Variants in NDE1 observed in about 807,000 individuals in gnomAD.
The protein encoded by NDE1 is nuclear distribution protein nudE homolog 1.
Under a neutral mutation model 43.4 loss-of-function variants are expected in NDE1, and 28 were observed. The observed-to-expected ratio is 0.65, with a 90% confidence interval of 0.48 to 0.89. The LOEUF is 0.89. Among genes scored for constraint, NDE1 ranks in the 40% least tolerant of loss-of-function variants. The pLI is 0.00. For missense variants in NDE1, 441 were observed against 434.1 expected, an observed-to-expected ratio of 1.02 and a Z score of -0.14; for synonymous variants, 184 against 172.0, an observed-to-expected ratio of 1.07 and a Z score of -0.55.
At position 15,724,769 on chromosome 16, in the gene NDE1, G is replaced by A; in HGVS notation, c.*518G>A. 4 of 1,614,088 alleles carry A rather than the reference G, an allele frequency of 2.5e-6. No individual in the cohort carries two copies. Among genetic ancestry groups the A allele is most frequent in the Non-Finnish European group, 2.5e-6 (3 of 1,180,042 alleles). On this transcript the variant is annotated 3_prime_UTR_variant, in exon 9 of 9. Transcript: ENST00000396354. ...TGGCGCAGCTTCGTAGACACGTTGA[G>A]CTTCTGCCGGGTTTCTTCTTGAAGC...
chr16:15,724,528 G>C lies in NDE1; in HGVS notation c.*277G>C. On this transcript the variant is annotated 3_prime_UTR_variant, in exon 9 of 9. Coordinates refer to ENST00000396354, the MANE Select transcript of NDE1 (RefSeq NM_017668.3). ...CCTCGTTGGAGAAACCCAATAGCAG[G>C]GGAAGCTGGGGGGTCAAGCACCATC... 1 of 1,605,860 alleles carries C rather than the reference G, an allele frequency of 6.2e-7. No individual in the cohort carries two copies. The highest frequency in any genetic ancestry group is 8.5e-7 in the Non-Finnish European group (1 of 1,175,644).
At chr16:15,665,881 C>T (rs752044605) in intron 2 of NDE1, among the ~76,000 whole-genome samples, 11 of 152,026 alleles carry the variant, frequency 7.2e-5, no homozygotes, top group South Asian at 4.2e-4. Context: ...CTCAGCCTCC[C>T]GAGTAGCTAG....
intron 1 of NDE1, among the ~76,000 whole-genome samples, chr16:15,656,288 T>G (rs1806634437): frequency 6.6e-6 from 1 of 152,152 alleles, no homozygotes; most frequent in Admixed American, 6.5e-5. Context: ...GGTTTTTGTC[T>G]CTTGGTTGGA....
rs370660509 is a variant in NDE1, at chr16:15,691,355, G to A, written c.703+32G>A. The A allele has an allele frequency of 6.8e-6, 11 of 1,608,230 alleles. No individual in the cohort carries two copies. The African/African-American group carries it at 8.0e-5, about 12-fold the overall frequency. ...GGAGTGGGAATTGCAGGATTTTCTC[G>A]GTTCACAAAGTGTTTCTGGGTAAGA... On this transcript the variant is annotated intron_variant, in intron 6 of 8. Coordinates refer to ENST00000396354, the MANE Select transcript of NDE1 (RefSeq NM_017668.3).
At chr16:15,686,409 C>G (rs1203292087) in intron 4 of NDE1, 2 of 985,196 alleles carry the variant, frequency 2.0e-6, no homozygotes, top group African/African-American at 3.5e-5. Context: ...GTGCCTTTAC[C>G]ACAGTGTTTA....
chr16:15,648,328 T>A (rs1405218570), upstream of NDE1, among the ~76,000 whole-genome samples: 7 of 152,192 alleles, frequency 4.6e-5, no homozygotes, highest in Non-Finnish European at 8.8e-5. Flanking sequence ...ACTCTATTTT[T>A]GTACCCACTA....
At chr16:15,715,021 C>A (rs753304573) in intron 8 of NDE1, 10 of 1,613,916 alleles carry the variant, frequency 6.2e-6, no homozygotes, top group Admixed American at 1.7e-5. Context: ...CGCTGGGACT[C>A]CTCCTCTGCC....
rs764996278 is a variant in NDE1 at position 15,720,307 on chromosome 16, G to A, written c.948-3884G>A. The A allele has an allele frequency of 7.4e-6, 12 of 1,613,714 alleles. No individual in the cohort carries two copies. Among genetic ancestry groups the A allele is most frequent in the East Asian group, 4.5e-5 (2 of 44,886 alleles). ...CGTCTTCCAGTTCCGTCTCATACTC[G>A]TGAAGCTGGGCGAGGAATAGAGATG... On this transcript the variant is annotated intron_variant, in intron 8 of 8. Transcript: ENST00000396354.
At chr16:15,674,412 T>A (rs918466820) in intron 3 of NDE1, among the ~76,000 whole-genome samples, 13 of 151,438 alleles carry the variant, frequency 8.6e-5, no homozygotes, top group African/African-American at 2.2e-4. Flanking sequence ...ACTCGGCTAA[T>A]TTTTTTTTGC....
rs757369974 is a variant in NDE1, at chr16:15,687,531, T to G, written c.523+20T>G. ...CCAGAGGTCAGGAGGCCTTGGTGTC[T>G]TCACCAGCATGGTCCCCTCTCCCTA... On this transcript the variant is annotated intron_variant, in intron 5 of 8. Coordinates refer to ENST00000396354, the MANE Select transcript of NDE1 (RefSeq NM_017668.3). The G allele has an allele frequency of 6.2e-7, 1 of 1,600,528 alleles. No individual in the cohort carries two copies. Among genetic ancestry groups the G allele is most frequent in the African/African-American group, 1.3e-5 (1 of 74,632 alleles).
rs149917652 is a variant in NDE1, at chr16:15,698,729, C to T, written c.947+1869C>T. 3.3e-3 allele frequency among the ~76,000 whole-genome samples: 500 copies of T among 151,976 alleles called. 5 individuals are homozygous for T. Among genetic ancestry groups the T allele is most frequent in the Middle Eastern group, 0.014 (4 of 294 alleles). On this transcript the variant is annotated intron_variant, in intron 8 of 8. Transcript: ENST00000396354. ...TACGAAAATTAGCCGGGCATGGTCG[C>T]GGATGCCTGTAGTCCCAGCTGCTTG...
chr16:15,718,540 A>G (rs1243764297), intron 8 of NDE1: 1 of 1,459,518 alleles, frequency 6.9e-7, no homozygotes, highest in Non-Finnish European at 9.1e-7. Context: ...TCATCATCTA[A>G]TGGGTGAAAC....
At chr16:15,691,941 T>C (rs1382200575) in intron 6 of NDE1, among the ~76,000 whole-genome samples, 1 of 151,924 alleles carries the variant, frequency 6.6e-6, no homozygotes, top group African/African-American at 2.4e-5. Context: ...AAAAATCCTC[T>C]TGTTGAATAT....
chr16:15,697,068 A>C (rs1218092201), intron 8 of NDE1: 15 of 1,482,440 alleles, frequency 1.0e-5, no homozygotes, highest in African/African-American at 1.4e-5. Context: ...TTGTTTTGTG[A>C]GACAGGGTCT....
chr16:15,652,743 A>G (rs974127496), intron 1 of NDE1, among the ~76,000 whole-genome samples: 6 of 152,258 alleles, frequency 3.9e-5, no homozygotes, highest in Admixed American at 6.5e-5. Flanking sequence ...AGCTCACTGC[A>G]GTCTCGACCT....
chr16:15,700,178 C>T (rs1431800094), intron 8 of NDE1: 1 of 906,928 alleles, frequency 1.1e-6, no homozygotes. Context: ...CTCACTGCAA[C>T]CTCCGCCTCC....
At chr16:15,680,679 A>G (rs1596597542) in intron 4 of NDE1, among the ~76,000 whole-genome samples, 2 of 152,196 alleles carry the variant, frequency 1.3e-5, no homozygotes, top group East Asian at 3.9e-4. Context: ...AGCTGGGATT[A>G]CAGGCGCCCC....
intron 8 of NDE1, among the ~76,000 whole-genome samples, chr16:15,706,497 C>T (rs1330694602): frequency 6.6e-6 from 1 of 152,126 alleles, no homozygotes; most frequent in Non-Finnish European, 1.5e-5. Context: ...CTCGTGAGGT[C>T]AGTTGTTCGA....
intron 6 of NDE1, 78 bp downstream of exon 6, chr16:15,691,401 G>T (rs530939097): frequency 1.3e-6 from 2 of 1,502,516 alleles, no homozygotes; most frequent in African/African-American, 1.4e-5. Context: ...GGTCCTGGGG[G>T]TGTGATGATT....
Sources: gnomAD v4.1 joint callset for allele counts (sites outside exome capture counted in the v4.1 genomes callset) on GRCh38, gnomAD v4.1.1 for gene constraint, MANE v1.5 for transcripts, NCBI Gene and HGNC (gene_info 2026-07-23, HGNC 2026-07-21) for gene names.